SLC8A1: variants seen among roughly 807,000 people sequenced by gnomAD.
SLC8A1 encodes the protein sodium/calcium exchanger 1.
SLC8A1 carries 18 observed loss-of-function variants against 68.3 expected under a neutral mutation model. The ratio of observed to expected loss-of-function variants is 0.26; its 90% CI spans 0.18 to 0.39. SLC8A1 has a LOEUF of 0.39. Ranked by LOEUF, SLC8A1 falls within the 10% of genes least tolerant of loss-of-function variation. The probability of loss-of-function intolerance (pLI) is 1.00; values close to 1 mark genes in which losing one functional copy is unlikely to be tolerated. For synonymous variants in SLC8A1, 475 were observed against 415.5 expected, an observed-to-expected ratio of 1.14 and a Z score of -1.74; for missense variants, 985 against 1,156.7, an observed-to-expected ratio of 0.85 and a Z score of 2.15.
intron 2 of SLC8A1, among the ~76,000 whole-genome samples, chr2:40,380,511 G>C (rs558417530): frequency 4.6e-5 from 7 of 152,016 alleles, no homozygotes; most frequent in Admixed American, 1.3e-4. Flanking sequence ...AGGACTATGA[G>C]ACAGATGCAA....
chr2:40,473,332 C>G lies in SLC8A1; in HGVS notation c.-25+39017G>C, dbSNP rs573545204. ...CCAAGTAAAATTTTCCTAAAATCCC[C>G]ACTCCTGCCTCTTCAATTGCTTCTG... On this transcript the variant is annotated intron_variant, in intron 1 of 7. Transcript: ENST00000402441. Among the ~76,000 whole-genome samples the G allele has an allele frequency of 7.2e-5, 11 of 152,202 alleles. No homozygotes were observed. In the East Asian group the frequency reaches 2.1e-3, roughly 29 times the overall value.
intron 2 of SLC8A1, among the ~76,000 whole-genome samples, chr2:40,340,952 A>G (rs1667504646): frequency 6.6e-6 from 1 of 152,218 alleles, no homozygotes; most frequent in South Asian, 2.1e-4. Flanking sequence ...TGAGAGAGTT[A>G]AACTTTGAGC....
At chr2:40,504,044 G>A (rs910256299) in intron 1 of SLC8A1, among the ~76,000 whole-genome samples, 2 of 151,888 alleles carry the variant, frequency 1.3e-5, no homozygotes, top group African/African-American at 2.4e-5. Flanking sequence ...ACATTACCTG[G>A]CTTCAAATTA....
chr2:40,454,480 C>CTTTTTTTT (rs543088073), upstream of SLC8A1, among the ~76,000 whole-genome samples: 1 of 119,540 alleles, frequency 8.4e-6, no homozygotes, highest in Admixed American at 8.5e-5. Flanking sequence ...TGTCTTAAGA[C>CTTTTTTTT]TTTTTTTTTT....
chr2:40,351,038 T>G (rs942795875), intron 2 of SLC8A1, among the ~76,000 whole-genome samples: 2 of 152,132 alleles, frequency 1.3e-5, no homozygotes, highest in African/African-American at 2.4e-5. Flanking sequence ...CAATATTAAA[T>G]TATTATTCTA....
chr2:40,192,730 C>G lies in SLC8A1; in HGVS notation c.1809-14875G>C, dbSNP rs34210996. The stretch of plus-strand genomic sequence containing the variant: ...CTGTCTTGGTGTAATATTTGTTGGT[C>G]CTGAATACTTTTTTTTATTGAGTTA... On this transcript the variant is annotated intron_variant, in intron 2 of 7. Transcript: ENST00000406785. Among the ~76,000 whole-genome samples the G allele has an allele frequency of 6.5e-3, 984 of 151,914 alleles. 4 individuals are homozygous for G. The highest frequency in any genetic ancestry group is 0.011 in the Non-Finnish European group (744 of 67,946).
intron 2 of SLC8A1, among the ~76,000 whole-genome samples, chr2:40,326,729 C>T (rs2075867473): frequency 6.6e-6 from 1 of 152,158 alleles, no homozygotes; most frequent in African/African-American, 2.4e-5. Context: ...TTCTTGACAG[C>T]CTAGTAATGA....
At chr2:40,509,979 C>T (rs969855016) in intron 1 of SLC8A1, among the ~76,000 whole-genome samples, 25 of 151,904 alleles carry the variant, frequency 1.6e-4, no homozygotes, top group Non-Finnish European at 2.8e-4. Flanking sequence ...AGGCATGCAC[C>T]GCCACACCTG....
At chr2:40,179,603 A>G (rs1180721916) in intron 2 of SLC8A1, among the ~76,000 whole-genome samples, 1 of 152,226 alleles carries the variant, frequency 6.6e-6, no homozygotes, top group Non-Finnish European at 1.5e-5. Context: ...GCCAAGTACA[A>G]TTCTGATCAA....
intron 2 of SLC8A1, among the ~76,000 whole-genome samples, chr2:40,278,852 T>C (rs894167438): frequency 6.6e-6 from 1 of 152,220 alleles, no homozygotes; most frequent in Non-Finnish European, 1.5e-5. Flanking sequence ...ATCAGTATTA[T>C]TTATTAAAAG....
At chr2:40,250,870 C>T (rs1380615925) in intron 2 of SLC8A1, 2 of 152,132 alleles carry the variant, frequency 1.3e-5, no homozygotes, top group Non-Finnish European at 2.9e-5. Context: ...TGTAACTGTT[C>T]TGTAGTTCCA....
chr2:40,119,607 T>C (rs1166745270), intron 7 of SLC8A1, among the ~76,000 whole-genome samples: 1 of 152,176 alleles, frequency 6.6e-6, no homozygotes, highest in African/African-American at 2.4e-5. Context: ...ACTACTGCCT[T>C]GGGTTTGAAG....
intron 2 of SLC8A1, among the ~76,000 whole-genome samples, chr2:40,262,611 G>T (rs986556230): frequency 1.5e-4 from 23 of 152,068 alleles, no homozygotes; most frequent in African/African-American, 5.6e-4. Flanking sequence ...AAAACATAAG[G>T]GTATGCATTT....
At chr2:40,317,501 T>C (rs1575352544) in intron 2 of SLC8A1, among the ~76,000 whole-genome samples, 1 of 152,050 alleles carries the variant, frequency 6.6e-6, no homozygotes, top group African/African-American at 2.4e-5. Flanking sequence ...TACACAAACA[T>C]TGATTAATTA....
At chr2:40,151,513 T>C (rs2043431403) in intron 6 of SLC8A1, among the ~76,000 whole-genome samples, 1 of 152,190 alleles carries the variant, frequency 6.6e-6, no homozygotes, top group African/African-American at 2.4e-5. Context: ...TTTTTTTATT[T>C]AGATTCTTCC....
intron 2 of SLC8A1, among the ~76,000 whole-genome samples, chr2:40,326,798 A>G (rs903097909): frequency 2.6e-5 from 4 of 152,172 alleles, no homozygotes; most frequent in African/African-American, 9.7e-5. Context: ...TGTTTTAAGT[A>G]TTCTCTTAAT....
chr2:40,440,267 G>A (rs1326845448), intron 1 of SLC8A1, among the ~76,000 whole-genome samples: 2 of 152,034 alleles, frequency 1.3e-5, no homozygotes, highest in Non-Finnish European at 2.9e-5. Flanking sequence ...TTGTCTTTTG[G>A]TGACAGATGA....
intron 1 of SLC8A1, among the ~76,000 whole-genome samples, chr2:40,449,470 C>G (rs1414560314): frequency 6.6e-6 from 1 of 152,042 alleles, no homozygotes; most frequent in Non-Finnish European, 1.5e-5. Flanking sequence ...TTTATTTTTT[C>G]AAAACACAGA....
intron 7 of SLC8A1, among the ~76,000 whole-genome samples, chr2:40,125,156 C>A (rs967138705): frequency 6.6e-6 from 1 of 152,120 alleles, no homozygotes; most frequent in African/African-American, 2.4e-5. Context: ...AAGGAGTGAA[C>A]GGCTGAATTT....
Sources: allele counts gnomAD v4.1 joint callset (sites outside exome capture counted in the v4.1 genomes callset), GRCh38; gene constraint gnomAD v4.1.1; transcripts MANE v1.5; gene names NCBI Gene and HGNC (gene_info 2026-07-23, HGNC 2026-07-21).